PKD1: variants seen among roughly 807,000 people sequenced by gnomAD.
PKD1 encodes polycystin-1.
In PKD1, 81 loss-of-function variants were observed where a neutral mutation model predicts 361.7. The ratio of observed to expected loss-of-function variants is 0.22; its 90% CI spans 0.19 to 0.27. The LOEUF (loss-of-function observed/expected upper bound fraction) is 0.27, where lower values mean the gene tolerates loss of function less well. PKD1 is among the 10% of genes least tolerant of loss of function. The pLI, the probability that PKD1 is intolerant of heterozygous loss-of-function variation, is 1.00. For synonymous variants in PKD1, 3,615 were observed against 2,818.3 expected, an observed-to-expected ratio of 1.28 and a Z score of -8.95; for missense variants, 6,399 against 6,118.3, an observed-to-expected ratio of 1.05 and a Z score of -1.53.
chr16:2,119,932 G>A (rs935642401), intron 1 of PKD1: 41 of 683,742 alleles, frequency 6.0e-5, no homozygotes, highest in East Asian at 5.9e-4. Flanking sequence ...CCTCCAAGAC[G>A]GCCAGGCACT....
intron 1 of PKD1, among the ~76,000 whole-genome samples, chr16:2,122,134 A>G (rs2092730714): frequency 6.6e-6 from 1 of 152,252 alleles, no homozygotes; most frequent in Non-Finnish European, 1.5e-5. Flanking sequence ...GAGGGGACAG[A>G]GCAGCCGAGG....
chr16:2,112,723 C>T (rs548310791), intron 13 of PKD1, 65 bp downstream of exon 13: 7 of 1,533,926 alleles, frequency 4.6e-6, no homozygotes, highest in Admixed American at 3.4e-5. Flanking sequence ...GGGGGTCCCT[C>T]GGCTGAGGCT....
At position 2,103,218 on chromosome 16, in the gene PKD1, C is replaced by T. The variant is rs757202933; in HGVS notation, c.8791+48G>A. 5.6e-6 allele frequency: 9 copies of T among 1,594,080 alleles called. No homozygotes were observed. In the African/African-American group the frequency reaches 6.7e-5, roughly 12 times the overall value. On this transcript the variant is annotated intron_variant, in intron 23 of 45. Coordinates refer to ENST00000262304, the MANE Select transcript of PKD1 (RefSeq NM_001009944.3). ...AAGCCCTACGAGAAACGCCTTCCCC[C>T]CAAGAACAAGGCCAGGGGGCCGCGT...
At position 2,108,682 on chromosome 16, in the gene PKD1, C is replaced by T. The variant is rs758158752; in HGVS notation, c.6485G>A (p.Arg2162Gln). 107 of 1,568,148 alleles carry T rather than the reference C, an allele frequency of 6.8e-5. No individual in the cohort carries two copies. Among genetic ancestry groups the T allele is most frequent in the South Asian group, 2.0e-4 (17 of 85,844 alleles). The change falls in exon 15 of 46, where the codon CGG becomes CAG. Residue 2162 changes from arginine to glutamine, a missense_variant. Coordinates refer to ENST00000262304, the MANE Select transcript of PKD1 (RefSeq NM_001009944.3). ...CTCCAAGTAGTTGCGCTGTGATCGCCGCATCAGCACCTGCAGGGGCAGGAC... is the reference window on the plus strand; with the variant it reads ...CTCCAAGTAGTTGCGCTGTGATCGCTGCATCAGCACCTGCAGGGGCAGGAC... ...DVVLPLQVLM[R>Q]RSQRNYLEAH...
rs767931336 is a variant in PKD1 at position 2,097,794 on chromosome 16, A to G, written c.10168-14T>C. 7 of 1,611,360 alleles carry G rather than the reference A, an allele frequency of 4.3e-6. No individual in the cohort carries two copies. Among genetic ancestry groups the G allele is most frequent in the African/African-American group, 1.3e-5 (1 of 74,884 alleles). On this transcript the variant is annotated splice_polypyrimidine_tract_variant and intron_variant, in intron 31 of 45. Transcript: ENST00000262304. Reference sequence around the variant, plus strand: ...AACAAAGGCCTGCTGAGAGGTGCACAGTGTCTTGAGTCCAAGCTGCGCCAA... The same window carrying G: ...AACAAAGGCCTGCTGAGAGGTGCACGGTGTCTTGAGTCCAAGCTGCGCCAA...
chr16:2,088,863 A>C lies in PKD1; in HGVS notation c.*864T>G, dbSNP rs2091265512. On this transcript the variant is annotated 3_prime_UTR_variant, in exon 46 of 46. Transcript: ENST00000262304. ...TGAGGCTGCCTGGGCCATACAGCACACTCGCGCGTGCGCGCGCGCACACAC... is the reference window on the plus strand; with the variant it reads ...TGAGGCTGCCTGGGCCATACAGCACCCTCGCGCGTGCGCGCGCGCACACAC... The C allele has an allele frequency of 3.7e-6, 2 of 542,326 alleles. No homozygotes were observed. Among genetic ancestry groups the C allele is most frequent in the Non-Finnish European group, 6.5e-6 (2 of 307,454 alleles). 33.6% of individuals were successfully genotyped at this position (542,326 alleles called of 1,614,324 possible).
chr16:2,109,025 T>C lies in PKD1; in HGVS notation c.6142A>G (p.Ser2048Gly), dbSNP rs1398313594. The C allele has an allele frequency of 3.7e-6, 6 of 1,609,384 alleles. No homozygotes were observed. The highest frequency in any genetic ancestry group is 1.7e-5 in the Admixed American group (1 of 59,946). Residue 2048 changes from serine (S) to glycine (G), a missense_variant, in exon 15 of 46, where the codon AGT becomes GGT. By Grantham distance (56) the Ser-to-Gly change is moderately conservative. Coordinates refer to ENST00000262304, the MANE Select transcript of PKD1 (RefSeq NM_001009944.3). ...IQVRAFNALG[S>G]ENRTLVLEVQ... ...TCCAGCACCAGCGTGCGGTTCTCAC[T>C]GCCCAGGGCGTTGAAGGCGCGCACC... is the stretch of plus-strand genomic sequence containing the variant.
chr16:2,121,498 A>C (rs2092720464), intron 1 of PKD1, among the ~76,000 whole-genome samples: 1 of 152,176 alleles, frequency 6.6e-6, no homozygotes, highest in African/African-American at 2.4e-5. Context: ...CCGTAGGAAA[A>C]ACATCCCATG....
intron 8 of PKD1, 106 bp downstream of exon 8, chr16:2,116,423 A>G: frequency 1.5e-6 from 1 of 666,348 alleles, no homozygotes; most frequent in Non-Finnish European, 2.7e-6. Context: ...GGCACAAGCA[A>G]CATTAAGGCC....
chr16:2,127,751 A>G (rs1255553951), intron 1 of PKD1, among the ~76,000 whole-genome samples: 1 of 151,250 alleles, frequency 6.6e-6, no homozygotes, highest in Non-Finnish European at 1.5e-5. Flanking sequence ...ACTGAGGCTG[A>G]GAGACTGGAC....
In PKD1 at chr16:2,108,844, G is replaced by A; in HGVS notation, c.6323C>T (p.Pro2108Leu). The A allele has an allele frequency of 3.2e-6, 5 of 1,572,504 alleles. No individual in the cohort carries two copies. Among genetic ancestry groups the A allele is most frequent in the Non-Finnish European group, 4.3e-6 (5 of 1,160,142 alleles). ...DGSPGQDTDE[P>L]RAEHSYLRPG... ...CCTCAGGTAGGAGTGCTCGGCCCTG[G>A]GCTCATCTGTGTCCTGCCCTGGCGA... is the stretch of plus-strand genomic sequence containing the variant. The change falls in exon 15 of 46, where the codon CCC becomes CTC. Residue 2108 changes from proline (P) to leucine (L), a missense_variant. Transcript: ENST00000262304.
chr16:2,112,070 C>A (rs775954105), intron 14 of PKD1, among the ~76,000 whole-genome samples, 199 bp from the exon 15 acceptor site: 18 of 152,216 alleles, frequency 1.2e-4, no homozygotes, highest in Non-Finnish European at 2.2e-4. Context: ...AGGACGGCAC[C>A]GCCTCCAAGT....
In PKD1 at chr16:2,118,989, G is replaced by A. The variant is rs2092681903; in HGVS notation, c.359+125C>T. 2.2e-6 allele frequency: 2 copies of A among 899,174 alleles called. No homozygotes were observed. The highest frequency in any genetic ancestry group is 3.5e-6 in the Non-Finnish European group (2 of 568,310). The allele number at this position is 899,174 out of a possible 1,614,324, so 55.7% of individuals were successfully genotyped here. A position where few individuals can be genotyped will look rare whatever the true frequency, so the allele number is the denominator to read the frequency against. On this transcript the variant is annotated intron_variant, in intron 3 of 45. Transcript: ENST00000262304. This position sits in a 1 kb window ranked among gnomAD's most constrained non-coding sequence, Gnocchi z 6.0. ...AGCCGGCACTGGGGGGCTCCAAGCAGGCAGTGAACTGCCCCCAGGATCTGG... is the reference window on the plus strand; with the variant it reads ...AGCCGGCACTGGGGGGCTCCAAGCAAGCAGTGAACTGCCCCCAGGATCTGG...
Position 2,093,820 on chromosome 16 carries a change from C to T in PKD1, c.10812G>A (p.Glu3604=), listed in dbSNP as rs938374470. Residue 3604 remains glutamate, a synonymous_variant, in exon 36 of 46, where the codon GAG becomes GAA. Coordinates refer to ENST00000262304, the MANE Select transcript of PKD1 (RefSeq NM_001009944.3). Reference sequence around the variant, plus strand: ...CTGGCAGCCCCCTCACCTTCAGTGGCTCCCAGCCGAGGAATGAGGCCAGGA... The same window carrying T: ...CTGGCAGCCCCCTCACCTTCAGTGGTTCCCAGCCGAGGAATGAGGCCAGGA... ...ASFLASFLGW[E]PLKVLLEALY... is the part of the protein sequence containing the mutation. 9 of 1,556,140 alleles carry T rather than the reference C, an allele frequency of 5.8e-6. No homozygotes were observed. In the Admixed American group the frequency reaches 1.1e-4, roughly 19 times the overall value.
At chr16:2,120,069 G>C (rs1362770620) in intron 1 of PKD1, 1 of 581,936 alleles carries the variant, frequency 1.7e-6, no homozygotes. Context: ...CATTAGCCAG[G>C]CATGGCGGCA....
Position 2,089,346 on chromosome 16 carries a change from G to C in PKD1, c.*381C>G, listed in dbSNP as rs2091337335. ...TAGGAACTGGAGAGGTAATAACTTA[G>C]GGGCAGGGTGGCGGCGGTGCAGGCT... On this transcript the variant is annotated 3_prime_UTR_variant, in exon 46 of 46. Coordinates refer to ENST00000262304, the MANE Select transcript of PKD1 (RefSeq NM_001009944.3). The C allele has an allele frequency of 3.0e-6, 1 of 337,506 alleles. No homozygotes were observed. The highest frequency in any genetic ancestry group is 5.5e-6 in the Non-Finnish European group (1 of 181,160). The allele number at this position is 337,506 out of a possible 1,614,324, so 20.9% of individuals were successfully genotyped here. A position where few individuals can be genotyped will look rare whatever the true frequency, so the allele number is the denominator to read the frequency against.
Position 2,090,819 on chromosome 16 carries a change from G to T in PKD1, c.12004-11C>A. The T allele has an allele frequency of 6.2e-7, 1 of 1,612,106 alleles. No homozygotes were observed. The highest frequency in any genetic ancestry group is 1.1e-5 in the South Asian group (1 of 91,088). The stretch of plus-strand genomic sequence containing the variant: ...TAGCTGCTGGGCAGCCTGCGGACGA[G>T]AAATCTGTCTGCTTGCAGCCCTGGG... On this transcript the variant is annotated splice_polypyrimidine_tract_variant and intron_variant, in intron 43 of 45. Transcript: ENST00000262304.
intron 1 of PKD1, among the ~76,000 whole-genome samples, chr16:2,122,905 G>A (rs375384421): frequency 3.3e-5 from 5 of 152,186 alleles, no homozygotes; most frequent in African/African-American, 1.2e-4. Flanking sequence ...ATGGGGAGCA[G>A]CTCCCACCCA....
chr16:2,091,408 C>T lies in PKD1; in HGVS notation c.11712+15G>A, dbSNP rs2091569520. 7 of 1,134,024 alleles carry T rather than the reference C, an allele frequency of 6.2e-6. No homozygotes were observed. Among genetic ancestry groups the T allele is most frequent in the Non-Finnish European group, 7.6e-6 (7 of 924,584 alleles). The allele number at this position is 1,134,024 out of a possible 1,614,324, so 70.2% of individuals were successfully genotyped here. On this transcript the variant is annotated intron_variant, in intron 42 of 45. Coordinates refer to ENST00000262304, the MANE Select transcript of PKD1 (RefSeq NM_001009944.3). ...GCCGGTGGGAGGCGCGGGGTCTGGC[C>T]GGGGACGGGCGTACCGAGGTGAGCA...
Sources: allele counts gnomAD v4.1 joint callset (sites outside exome capture counted in the v4.1 genomes callset), GRCh38; gene constraint gnomAD v4.1.1; non-coding constraint Gnocchi (gnomAD v3.1); transcripts MANE v1.5; gene names NCBI Gene and HGNC (gene_info 2026-07-23, HGNC 2026-07-21).